The following SMYD3 variants were observed in gnomAD, a reference collection of about 807,000 sequenced individuals.
The protein encoded by SMYD3 is SET and MYND domain containing 3, also known as histone-lysine N-methyltransferase SMYD3.
In SMYD3, 36 loss-of-function variants were observed where a neutral mutation model predicts 57.7. The ratio of observed to expected loss-of-function variants is 0.62; its 90% CI spans 0.48 to 0.82. The LOEUF (loss-of-function observed/expected upper bound fraction) is 0.82, where lower values mean the gene tolerates loss of function less well. SMYD3 is among the 40% of genes least tolerant of loss of function. The pLI is 0.00. For synonymous variants in SMYD3, 211 were observed against 195.0 expected, an observed-to-expected ratio of 1.08 and a Z score of -0.68; for missense variants, 515 against 538.8, an observed-to-expected ratio of 0.96 and a Z score of 0.44.
chr1:245,871,951 C>T (rs2052217655), intron 8 of SMYD3, among the ~76,000 whole-genome samples: 1 of 152,176 alleles, frequency 6.6e-6, no homozygotes, highest in Non-Finnish European at 1.5e-5. Context: ...TATGCTGTGA[C>T]CCCACATCTC....
chr1:246,100,393 C>T (rs1275298786), intron 5 of SMYD3, among the ~76,000 whole-genome samples: 1 of 152,154 alleles, frequency 6.6e-6, no homozygotes, highest in African/African-American at 2.4e-5. Context: ...TCAGATGGCC[C>T]CACTCAGGAG....
intron 10 of SMYD3, among the ~76,000 whole-genome samples, chr1:245,773,746 T>C (rs2046429696): frequency 6.6e-6 from 1 of 152,210 alleles, no homozygotes; most frequent in Non-Finnish European, 1.5e-5. Flanking sequence ...AAAATAACCA[T>C]AATTTAGTTT....
intron 5 of SMYD3, among the ~76,000 whole-genome samples, chr1:246,065,673 T>C (rs554685283): frequency 2.6e-5 from 4 of 152,374 alleles, no homozygotes; most frequent in African/African-American, 9.6e-5. Context: ...ACTGAAACAC[T>C]GTTATCACCA....
chr1:246,414,169 C>T (rs1351487100), intron 1 of SMYD3, among the ~76,000 whole-genome samples: 1 of 152,164 alleles, frequency 6.6e-6, no homozygotes, highest in Non-Finnish European at 1.5e-5. Context: ...AGAGACATAG[C>T]TACCAAATGC....
At chr1:245,966,666 A>C (rs2058156930) in intron 5 of SMYD3, among the ~76,000 whole-genome samples, 1 of 152,178 alleles carries the variant, frequency 6.6e-6, no homozygotes, top group Non-Finnish European at 1.5e-5. Flanking sequence ...AGAGTGCTCA[A>C]GATCTGGCCC....
Position 246,327,270 on chromosome 1 carries a change from G to A in SMYD3, c.462C>T (p.Phe154=), listed in dbSNP as rs763764600. Residue 154 remains phenylalanine, a synonymous_variant, in exon 5 of 12, where the codon TTC becomes TTT. Coordinates refer to ENST00000490107, the MANE Select transcript of SMYD3 (RefSeq NM_001167740.2). ...AGGCATCCTGTATTTCTTCTCTCAT[G>A]AAATGTTGAAATGTCATTACGAGTT... is the stretch of plus-strand genomic sequence containing the variant. ...LRQLVMTFQH[F]MREEIQDASQ... 6 of 1,614,004 alleles carry A rather than the reference G, an allele frequency of 3.7e-6. No individual in the cohort carries two copies. The highest frequency in any genetic ancestry group is 4.2e-6 in the Non-Finnish European group (5 of 1,179,978).
chr1:246,057,525 G>A lies in SMYD3; in HGVS notation c.532-127588C>T, dbSNP rs543293191. 2.6e-5 allele frequency among the ~76,000 whole-genome samples: 4 copies of A among 152,208 alleles called. No homozygotes were observed. In the East Asian group the frequency reaches 7.7e-4, roughly 29 times the overall value. Reference sequence around the variant, plus strand: ...GATGCTCCACATCACATGTCATCAGGGAAATGCAAATTAAAATAACAAGAA... The same window carrying A: ...GATGCTCCACATCACATGTCATCAGAGAAATGCAAATTAAAATAACAAGAA... On this transcript the variant is annotated intron_variant, in intron 5 of 11. Transcript: ENST00000490107.
chr1:246,137,746 C>T (rs756514480), intron 5 of SMYD3, among the ~76,000 whole-genome samples: 1 of 152,204 alleles, frequency 6.6e-6, no homozygotes, highest in Non-Finnish European at 1.5e-5. Context: ...ACAGGTGTTT[C>T]TCTGCAAGTC....
At chr1:246,304,688 T>C (rs536656702) in intron 5 of SMYD3, among the ~76,000 whole-genome samples, 6 of 152,312 alleles carry the variant, frequency 3.9e-5, no homozygotes, top group African/African-American at 1.2e-4. Context: ...CAGTCACCAT[T>C]ATCTTTAAAA....
intron 1 of SMYD3, among the ~76,000 whole-genome samples, chr1:246,444,238 G>A (rs759729858): frequency 1.6e-4 from 24 of 150,476 alleles, no homozygotes; most frequent in Non-Finnish European, 2.8e-4. Flanking sequence ...GCAATTTTCT[G>A]CCTCAGCCTC....
At chr1:246,484,000 C>T in intron 1 of SMYD3, among the ~76,000 whole-genome samples, 1 of 150,488 alleles carries the variant, frequency 6.6e-6, no homozygotes, top group East Asian at 2.0e-4. Context: ...AAACACATCA[C>T]TTCAACCAAA....
intron 5 of SMYD3, among the ~76,000 whole-genome samples, chr1:246,118,926 CACAACCAAAAGAA>C (rs2061381985): frequency 6.6e-6 from 1 of 151,834 alleles, no homozygotes; most frequent in African/African-American, 2.4e-5. Context: ...TCAGGTGCAG[CACAACCAAAAGAA>C]AGATTGACAT....
At chr1:245,751,586 GAGAGAGAA>G (rs1251621973) in intron 11 of SMYD3, among the ~76,000 whole-genome samples, 24 of 53,916 alleles carry the variant, frequency 4.5e-4, no homozygotes, top group African/African-American at 2.1e-3. Flanking sequence ...GAAAGAGAGA[GAGAGAGAA>G]AGAGAGAGAG....
chr1:245,751,592 GAAAGAGAGAGAGAGAAAGAGAGAGAGAA>G (rs2045372970), intron 11 of SMYD3, among the ~76,000 whole-genome samples: 1 of 77,072 alleles, frequency 1.3e-5, no homozygotes. Context: ...GAGAGAGAGA[GAAAGAGAGAGAGAGAAAGAGAGAGAGAA>G]AAAGAGAGAG....
intron 2 of SMYD3, among the ~76,000 whole-genome samples, chr1:246,347,992 T>C (rs1198989569): frequency 6.7e-6 from 1 of 148,152 alleles, no homozygotes; most frequent in Non-Finnish European, 1.5e-5. Flanking sequence ...CTCCCTGCGC[T>C]GTTCACAATA....
intron 1 of SMYD3, among the ~76,000 whole-genome samples, chr1:246,384,519 C>A (rs1415411715): frequency 6.6e-6 from 1 of 152,034 alleles, no homozygotes; most frequent in Non-Finnish European, 1.5e-5. Context: ...CCTCAGCCTC[C>A]CAAGAAGCTG....
At chr1:246,153,691 C>CA (rs1386581003) in intron 5 of SMYD3, among the ~76,000 whole-genome samples, 1 of 152,092 alleles carries the variant, frequency 6.6e-6, no homozygotes, top group Admixed American at 6.5e-5. Context: ...AAGCTGGTCT[C>CA]AAACTCCTAG....
chr1:245,964,331 G>A (rs552654007), intron 5 of SMYD3, among the ~76,000 whole-genome samples: 1 of 152,266 alleles, frequency 6.6e-6, no homozygotes, highest in South Asian at 2.1e-4. Flanking sequence ...AAGCTTCGGA[G>A]GGGACAAAAC....
intron 5 of SMYD3, among the ~76,000 whole-genome samples, chr1:245,944,553 T>G (rs757851496): frequency 6.6e-6 from 1 of 152,158 alleles, no homozygotes; most frequent in East Asian, 1.9e-4. Flanking sequence ...ATTATGAAAA[T>G]AGCCATACTG....
Sources: gnomAD v4.1 joint callset for allele counts (sites outside exome capture counted in the v4.1 genomes callset) on GRCh38, gnomAD v4.1.1 for gene constraint, MANE v1.5 for transcripts, NCBI Gene and HGNC (gene_info 2026-07-23, HGNC 2026-07-21) for gene names.